Variants in TMEM108 observed in about 807,000 individuals in gnomAD.
TMEM108 encodes the protein cancer/testis antigen 124.
A neutral mutation model predicts 35.1 loss-of-function variants in TMEM108; 12 were observed. The observed-to-expected ratio is 0.34, with a 90% CI of 0.22 to 0.55. The LOEUF is 0.55. Ranked by LOEUF, TMEM108 falls within the 20% of genes least tolerant of loss-of-function variation. The pLI, the probability that TMEM108 is intolerant of heterozygous loss-of-function variation, is 0.89. For missense variants in TMEM108, 680 were observed against 753.3 expected (o/e 0.90, Z 1.14); for synonymous variants, 287 against 308.6 (o/e 0.93, Z 0.73).
intron 3 of TMEM108, among the ~76,000 whole-genome samples, chr3:133,320,123 T>C (rs2071248151): frequency 1.3e-5 from 2 of 152,040 alleles, no homozygotes; most frequent in African/African-American, 2.4e-5. Context: ...CAAGGTTCTA[T>C]AACACTCCAA....
chr3:133,314,479 T>A (rs946556331), intron 3 of TMEM108, among the ~76,000 whole-genome samples: 2 of 152,228 alleles, frequency 1.3e-5, no homozygotes, highest in African/African-American at 4.8e-5. Flanking sequence ...CTGATAATTT[T>A]CCTAGGAACA....
intron 2 of TMEM108, among the ~76,000 whole-genome samples, chr3:133,055,708 A>G (rs1211557363): frequency 1.3e-5 from 2 of 152,130 alleles, no homozygotes; most frequent in African/African-American, 4.8e-5. Flanking sequence ...CACTTTTCAA[A>G]CAAGCAAAGC....
intron 3 of TMEM108, among the ~76,000 whole-genome samples, chr3:133,259,935 G>T (rs1303577806): frequency 6.6e-6 from 1 of 152,150 alleles, no homozygotes; most frequent in Admixed American, 6.5e-5. Context: ...ATAGGTGAAG[G>T]CGTGTGGTAA....
intron 2 of TMEM108, among the ~76,000 whole-genome samples, chr3:133,184,116 G>C (rs1945386836): frequency 6.6e-6 from 1 of 152,174 alleles, no homozygotes; most frequent in Non-Finnish European, 1.5e-5. Flanking sequence ...TATATGAAGA[G>C]GGGATGCTAT....
At chr3:133,051,311 G>A (rs1355152889) in intron 2 of TMEM108, among the ~76,000 whole-genome samples, 1 of 152,058 alleles carries the variant, frequency 6.6e-6, no homozygotes. Context: ...CCATCTGTAT[G>A]TCTTCTTTGA....
At chr3:133,372,389 T>C (rs1416895122) in intron 3 of TMEM108, among the ~76,000 whole-genome samples, 1 of 152,190 alleles carries the variant, frequency 6.6e-6, no homozygotes, top group Non-Finnish European at 1.5e-5. Context: ...GGACTTGAGC[T>C]GAAAATTTGT....
chr3:133,390,323 G>T lies in TMEM108; in HGVS notation c.1594G>T (p.Glu532Ter). Reference sequence around the variant, plus strand: ...GCTGCCCAGGGAGATCCAGTCCCTTGAAACCTCTGAGGTAATGAGCTTGAA... The same window carrying T: ...GCTGCCCAGGGAGATCCAGTCCCTTTAAACCTCTGAGGTAATGAGCTTGAA... ...VELPREIQSL[E>*]TSEDQLSEPR... Residue 532 changes from glutamate to a stop codon, truncating the protein, a stop_gained, in exon 5 of 6, where the codon GAA becomes TAA. Coordinates refer to ENST00000321871, the MANE Select transcript of TMEM108 (RefSeq NM_023943.4). LOFTEE classifies it high-confidence loss of function. 6.2e-7 allele frequency: 1 copy of T among 1,614,132 alleles called. No individual in the cohort carries two copies. The highest frequency in any genetic ancestry group is 1.1e-5 in the South Asian group (1 of 91,070).
At chr3:133,350,561 A>T (rs1708357) in intron 3 of TMEM108, among the ~76,000 whole-genome samples, 16,747 of 152,262 alleles carry the variant, frequency 0.11, 1,416 homozygotes, top group East Asian at 0.38. Context: ...AAATATGTAC[A>T]ATTCCAATTT....
At chr3:133,264,901 G>A (rs532985786) in intron 3 of TMEM108, among the ~76,000 whole-genome samples, 14 of 152,156 alleles carry the variant, frequency 9.2e-5, no homozygotes, top group Non-Finnish European at 2.1e-4. Flanking sequence ...TGCATATAAG[G>A]AATTATATGC....
chr3:133,041,334 T>A (rs548523079), intron 1 of TMEM108, among the ~76,000 whole-genome samples: 1 of 152,206 alleles, frequency 6.6e-6, no homozygotes, highest in African/African-American at 2.4e-5. Flanking sequence ...GAGACCTAAA[T>A]CTAGGCTGCC....
At chr3:133,395,265 T>C (rs2073288959) in intron 5 of TMEM108, among the ~76,000 whole-genome samples, 2 of 152,190 alleles carry the variant, frequency 1.3e-5, no homozygotes, top group African/African-American at 2.4e-5. Flanking sequence ...ACTAGTGCTA[T>C]AAGAAATGGG....
At chr3:133,292,632 G>A (rs1193082531) in intron 3 of TMEM108, among the ~76,000 whole-genome samples, 1 of 152,204 alleles carries the variant, frequency 6.6e-6, no homozygotes, top group East Asian at 1.9e-4. Context: ...TTCAGAGCCT[G>A]CCTGCTATGG....
At chr3:133,331,846 A>G (rs1192073339) in intron 3 of TMEM108, among the ~76,000 whole-genome samples, 1 of 152,240 alleles carries the variant, frequency 6.6e-6, no homozygotes, top group Non-Finnish European at 1.5e-5. Flanking sequence ...AAGTCAGCTT[A>G]TGTCAAAAAT....
chr3:133,083,364 A>G (rs1327836487), intron 2 of TMEM108, among the ~76,000 whole-genome samples: 1 of 152,152 alleles, frequency 6.6e-6, no homozygotes, highest in Non-Finnish European at 1.5e-5. Flanking sequence ...ATGGATTGAG[A>G]CAGATGAGAG....
chr3:133,302,420 T>TC, intron 3 of TMEM108, among the ~76,000 whole-genome samples: 1 of 143,870 alleles, frequency 7.0e-6, no homozygotes, highest in East Asian at 2.0e-4. Context: ...TCTTTCTTTT[T>TC]TTTTTTTTTT....
chr3:133,131,200 T>A (rs1255436650), intron 2 of TMEM108, among the ~76,000 whole-genome samples: 2 of 152,098 alleles, frequency 1.3e-5, no homozygotes, highest in Non-Finnish European at 2.9e-5. Flanking sequence ...CCTGAAGGGG[T>A]TGTTTCAGCA....
intron 2 of TMEM108, among the ~76,000 whole-genome samples, chr3:133,222,142 A>G (rs1459096163): frequency 6.6e-6 from 1 of 152,082 alleles, no homozygotes; most frequent in Non-Finnish European, 1.5e-5. Context: ...TGCCTGGAAA[A>G]GTCTTTATCT....
chr3:133,318,668 C>G (rs1292945855), intron 3 of TMEM108, among the ~76,000 whole-genome samples: 1 of 151,936 alleles, frequency 6.6e-6, no homozygotes, highest in Non-Finnish European at 1.5e-5. Flanking sequence ...CTGTCTTTCT[C>G]AGCAAATAAA....
chr3:133,369,730 AAG>A (rs1383607410), intron 3 of TMEM108, among the ~76,000 whole-genome samples: 1 of 152,236 alleles, frequency 6.6e-6, no homozygotes, highest in Non-Finnish European at 1.5e-5. Flanking sequence ...ACTAGGCTAA[AAG>A]AGATCCAAGG....
Sources: gnomAD v4.1 joint callset for allele counts (sites outside exome capture counted in the v4.1 genomes callset) on GRCh38, gnomAD v4.1.1 for gene constraint, MANE v1.5 for transcripts, NCBI Gene and HGNC (gene_info 2026-07-23, HGNC 2026-07-21) for gene names.